Variants in ALCAM observed in about 807,000 individuals in gnomAD.
ALCAM encodes activated leukocyte cell adhesion molecule, also known as CD166 antigen.
A neutral mutation model predicts 70.9 loss-of-function variants in ALCAM; 30 were observed. The observed-to-expected ratio is 0.42, with a 90% CI of 0.32 to 0.57. The LOEUF is 0.57. ALCAM is among the 20% of genes least tolerant of loss of function. ALCAM has a pLI of 0.11. For missense variants in ALCAM, 591 were observed against 695.1 expected, an observed-to-expected ratio of 0.85 and a Z score of 1.68; for synonymous variants, 249 against 242.5, an observed-to-expected ratio of 1.03 and a Z score of -0.25.
At chr3:105,533,763 T>C in intron 5 of ALCAM, 73 bp downstream of exon 5, 1 of 1,416,502 alleles carries the variant, frequency 7.1e-7, no homozygotes, top group South Asian at 1.2e-5. Flanking sequence ...CTAGGTATTC[T>C]TTAAACCAGT....
At chr3:105,480,289 G>T (rs1938235242) in intron 1 of ALCAM, among the ~76,000 whole-genome samples, 1 of 152,018 alleles carries the variant, frequency 6.6e-6, no homozygotes, top group Non-Finnish European at 1.5e-5. Context: ...GGCAGAGGGT[G>T]CAGTAAGCCG....
intron 1 of ALCAM, among the ~76,000 whole-genome samples, chr3:105,395,735 C>T (rs1262128854): frequency 6.6e-6 from 1 of 151,964 alleles, no homozygotes; most frequent in African/African-American, 2.4e-5. Context: ...TATAATGAAG[C>T]TAGGACTTAG....
chr3:105,458,145 G>T (rs886130187), intron 1 of ALCAM, among the ~76,000 whole-genome samples: 6 of 151,392 alleles, frequency 4.0e-5, no homozygotes, highest in South Asian at 2.1e-4. Flanking sequence ...TGCAACTAGG[G>T]GCCTCACTTC....
chr3:105,495,015 T>A (rs910542280), intron 1 of ALCAM, among the ~76,000 whole-genome samples: 1 of 152,184 alleles, frequency 6.6e-6, no homozygotes, highest in Non-Finnish European at 1.5e-5. Context: ...CTTATTCTTA[T>A]CGCAACTCCC....
intron 3 of ALCAM, among the ~76,000 whole-genome samples, chr3:105,526,035 G>A (rs528922795): frequency 1.3e-5 from 2 of 152,168 alleles, no homozygotes; most frequent in East Asian, 1.9e-4. Context: ...TTTCTAAAGC[G>A]AGTAATCAAA....
chr3:105,481,072 T>C (rs1938257241), intron 1 of ALCAM, among the ~76,000 whole-genome samples: 1 of 151,980 alleles, frequency 6.6e-6, no homozygotes, highest in Admixed American at 6.6e-5. Flanking sequence ...TTTTGTTTGG[T>C]TTTGTTTTTT....
chr3:105,545,603 C>T (rs1445495188), intron 9 of ALCAM, among the ~76,000 whole-genome samples: 1 of 151,418 alleles, frequency 6.6e-6, no homozygotes, highest in Non-Finnish European at 1.5e-5. Flanking sequence ...ACACCACACG[C>T]ATGTGTGCAC....
chr3:105,475,719 A>G (rs747025985), intron 1 of ALCAM, among the ~76,000 whole-genome samples: 2 of 151,960 alleles, frequency 1.3e-5, no homozygotes, highest in Non-Finnish European at 2.9e-5. Context: ...CTATTGGACT[A>G]GTTTTTAAAA....
chr3:105,451,827 T>C (rs1280445344), intron 1 of ALCAM, among the ~76,000 whole-genome samples: 2 of 152,192 alleles, frequency 1.3e-5, no homozygotes, highest in Non-Finnish European at 2.9e-5. Flanking sequence ...AATTGAGATT[T>C]GAACAGCATA....
chr3:105,442,712 C>T (rs997578603), intron 1 of ALCAM, among the ~76,000 whole-genome samples: 13 of 151,300 alleles, frequency 8.6e-5, no homozygotes, highest in African/African-American at 2.9e-4. Context: ...ACCCGGGAGG[C>T]GGAGCTTGCA....
intron 14 of ALCAM, among the ~76,000 whole-genome samples, chr3:105,560,158 C>T (rs1940602062): frequency 6.6e-6 from 1 of 152,142 alleles, no homozygotes; most frequent in Non-Finnish European, 1.5e-5. Flanking sequence ...ACAACTCCCA[C>T]CAGTCGCATA....
At chr3:105,504,250 C>T (rs939210171) in intron 1 of ALCAM, among the ~76,000 whole-genome samples, 4 of 152,142 alleles carry the variant, frequency 2.6e-5, no homozygotes, top group Admixed American at 2.6e-4. Context: ...GAGCTCCGAC[C>T]CTATCGCAGT....
chr3:105,438,352 C>G (rs1035308421), intron 1 of ALCAM, among the ~76,000 whole-genome samples: 3 of 152,066 alleles, frequency 2.0e-5, no homozygotes, highest in Non-Finnish European at 2.9e-5. Flanking sequence ...TGGCATTTTA[C>G]TTACTTATCT....
At chr3:105,505,021 A>G (rs1247809829) in intron 1 of ALCAM, among the ~76,000 whole-genome samples, 2 of 152,238 alleles carry the variant, frequency 1.3e-5, no homozygotes, top group Admixed American at 1.3e-4. Context: ...CACCTAGCTT[A>G]TTAGTAGCAG....
At chr3:105,551,350 G>A (rs894555963) in intron 12 of ALCAM, among the ~76,000 whole-genome samples, 1 of 151,466 alleles carries the variant, frequency 6.6e-6, no homozygotes, top group Non-Finnish European at 1.5e-5. Context: ...CCCATTGAAT[G>A]GTATGCTTCA....
intron 14 of ALCAM, among the ~76,000 whole-genome samples, chr3:105,567,103 G>A (rs1940759279): frequency 6.6e-6 from 1 of 151,746 alleles, no homozygotes; most frequent in African/African-American, 2.4e-5. Flanking sequence ...CTTTTTTTCT[G>A]ATGAGACATC....
At chr3:105,436,387 G>A (rs1439170808) in intron 1 of ALCAM, among the ~76,000 whole-genome samples, 1 of 151,902 alleles carries the variant, frequency 6.6e-6, no homozygotes, top group East Asian at 1.9e-4. Flanking sequence ...GTGTCGCCCA[G>A]GCTGGAGTGC....
chr3:105,387,575 T>A (rs765187456), intron 1 of ALCAM, among the ~76,000 whole-genome samples: 4 of 151,690 alleles, frequency 2.6e-5, no homozygotes, highest in Non-Finnish European at 4.4e-5. Flanking sequence ...TCACTAACTC[T>A]ATTATTTAGT....
intron 1 of ALCAM, among the ~76,000 whole-genome samples, chr3:105,468,590 G>A (rs1559801793): frequency 6.6e-6 from 1 of 151,218 alleles, no homozygotes; most frequent in South Asian, 2.1e-4. Flanking sequence ...GTCCCTGGTT[G>A]GCAGTACATG....
Sources: gnomAD v4.1 joint callset for allele counts (sites outside exome capture counted in the v4.1 genomes callset) on GRCh38, gnomAD v4.1.1 for gene constraint, MANE v1.5 for transcripts, NCBI Gene and HGNC (gene_info 2026-07-23, HGNC 2026-07-21) for gene names.